The following USP11 variants were observed in gnomAD, a reference collection of about 807,000 sequenced individuals.
The protein encoded by USP11 is ubiquitin carboxyl-terminal hydrolase 11.
USP11 carries 5 observed loss-of-function variants against 72.8 expected under a neutral mutation model. The observed-to-expected ratio is 0.07, with a 90% CI of 0.04 to 0.14. USP11 has a LOEUF of 0.14. USP11 is among the 10% of genes least tolerant of loss of function. USP11 has a pLI of 1.00. For synonymous variants in USP11, 368 were observed against 326.5 expected (o/e 1.13, Z -1.37); for missense variants, 480 against 794.7 (o/e 0.60, Z 4.76).
In USP11 at chrX:47,245,490, G is replaced by T; in HGVS notation, c.2270+8G>T. 8.8e-7 allele frequency: 1 copy of T among 1,142,844 alleles called. No homozygotes were observed. The highest frequency in any genetic ancestry group is 1.2e-6 in the Non-Finnish European group (1 of 833,698). 94.2% of individuals were successfully genotyped at this position (1,142,844 alleles called of 1,213,427 possible). ...GGAGAAGGAAAACCCCTGGTGAGGG[G>T]CCAGAGCGGGGCCTGTGTGTGGGGG... On this transcript the variant is annotated splice_region_variant and intron_variant, in intron 17 of 20. Coordinates refer to ENST00000377107, the MANE Select transcript of USP11 (RefSeq NM_001371072.1).
Position 47,242,736 on chromosome X carries a change from A to AG in USP11, c.1583+19dup. 1 of 1,166,793 alleles carries AG rather than the reference A, an allele frequency of 8.6e-7. No homozygotes were observed. Among genetic ancestry groups the AG allele is most frequent in the East Asian group, 3.0e-5 (1 of 33,672 alleles). On this transcript the variant is annotated intron_variant, in intron 12 of 20. Transcript: ENST00000377107. ...ATATCTTCGTGTGAGTGGGGATGGC[A>AG]GGGAGGTGGTGGTTCCTCAGGAACT...
chrX:47,241,370 G>A lies in USP11; in HGVS notation c.940G>A (p.Glu314Lys). The A allele has an allele frequency of 8.3e-7, 1 of 1,211,632 alleles. No individual in the cohort carries two copies. The highest frequency in any genetic ancestry group is 1.1e-6 in the Non-Finnish European group (1 of 895,486). ...CCGCAACCCACTGGGCATGAAGGGT[G>A]AGATCGCAGAGGCCTATGCAGACCT... ...NFRNPLGMKG[E>K]IAEAYADLVK... Residue 314 changes from glutamate to lysine, a missense_variant, in exon 8 of 21, where the codon GAG (glutamate) becomes AAG (lysine). Transcript: ENST00000377107.
chrX:47,247,266 AG>A (rs1188954598), intron 18 of USP11, 37 bp from the exon 19 acceptor site: 15 of 1,208,856 alleles, frequency 1.2e-5, no homozygotes, highest in Non-Finnish European at 1.7e-5. Context: ...CAGGGAAAGG[AG>A]GGGGTGTACC....
At chrX:47,240,227 A>G (rs1372555437) in intron 4 of USP11, 78 bp from the exon 5 acceptor site, 1 of 1,154,206 alleles carries the variant, frequency 8.7e-7, no homozygotes, top group Non-Finnish European at 1.2e-6. Flanking sequence ...GTCCGTAGGG[A>G]TGAGTCAGGT....
intron 14 of USP11, 53 bp downstream of exon 14, chrX:47,244,603 G>A (rs1325608419): frequency 5.8e-6 from 7 of 1,203,878 alleles, no homozygotes; most frequent in East Asian, 3.0e-5. Flanking sequence ...TCTGACCCAC[G>A]TAGGGTTCGT....
chrX:47,241,352 C>G lies in USP11; in HGVS notation c.922C>G (p.Pro308Ala). The G allele has an allele frequency of 8.3e-7, 1 of 1,211,812 alleles. No individual in the cohort carries two copies. Among genetic ancestry groups the G allele is most frequent in the African/African-American group, 1.7e-5 (1 of 57,796 alleles). ...CYLEELNFRN[P>A]LGMKGEIAEA... The stretch of plus-strand genomic sequence containing the variant: ...CCTGGAGGAGCTCAACTTCCGCAAC[C>G]CACTGGGCATGAAGGGTGAGATCGC... The change falls in exon 8 of 21, where the codon CCA becomes GCA. Residue 308 changes from proline to alanine, a missense_variant. Transcript: ENST00000377107.
chrX:47,242,096 G>C lies in USP11; in HGVS notation c.1194G>C (p.Glu398Asp). ...ACTATCAACAGGAGGTGGCACAGGA[G>C]GCATGGCAAAACCACAAACGGCGGA... The part of the protein sequence containing the change: ...AGRPDQEVAQ[E>D]AWQNHKRRND... The change falls in exon 10 of 21, where the codon GAG becomes GAC. Residue 398 changes from glutamate to aspartate, a missense_variant. Glu to Asp is a conservative substitution (Grantham distance 45, BLOSUM62 2). This residue lies in a region of USP11 where 314 missense variants were observed against 556.0 expected (regional missense o/e 0.56). Transcript: ENST00000377107. 1 of 1,210,203 alleles carries C rather than the reference G, an allele frequency of 8.3e-7. No homozygotes were observed. The highest frequency in any genetic ancestry group is 1.1e-6 in the Non-Finnish European group (1 of 894,830).
At position 47,248,062 on chromosome X, in the gene USP11, G is replaced by C. The variant is rs1190242432; in HGVS notation, c.*132G>C. ...CATTGCAGGCTTAGTCGTGGCTACT[G>C]TTCTCCTGTGCCGCTGCATCGCTCT... On this transcript the variant is annotated 3_prime_UTR_variant, in exon 21 of 21. Coordinates refer to ENST00000377107, the MANE Select transcript of USP11 (RefSeq NM_001371072.1). 9 of 937,477 alleles carry C rather than the reference G, an allele frequency of 9.6e-6. No individual in the cohort carries two copies. Among genetic ancestry groups the C allele is most frequent in the Non-Finnish European group, 1.3e-5 (9 of 702,332 alleles). The allele number at this position is 937,477 out of a possible 1,213,427, so 77.3% of individuals were successfully genotyped here. A position where few individuals can be genotyped will look rare whatever the true frequency, so the allele number is the denominator to read the frequency against.
In USP11 at chrX:47,241,050, TTC is replaced by T. The variant is rs766350490; in HGVS notation, c.846+179_846+180del. The T allele has an allele frequency of 5.0e-5, 28 of 558,627 alleles. No homozygotes were observed. In the East Asian group the frequency reaches 9.4e-4, roughly 19 times the overall value. 46.0% of individuals were successfully genotyped at this position (558,627 alleles called of 1,213,427 possible). On this transcript the variant is annotated intron_variant, in intron 7 of 20. Transcript: ENST00000377107. ...CGTTCATTCCTGAACTATCAGCCTC[TTC>T]TCTCAGCTTGCCCTCATTTTCCCTC...
chrX:47,237,977 A>G (rs1411578027), intron 1 of USP11, among the ~76,000 whole-genome samples: 1 of 111,360 alleles, frequency 9.0e-6, no homozygotes, highest in Admixed American at 9.6e-5. Context: ...GTAGATTTCA[A>G]TATAGTTCTA....
intron 2 of USP11, 54 bp downstream of exon 2, chrX:47,239,233 G>A (rs767441697): frequency 4.8e-5 from 56 of 1,175,644 alleles, no homozygotes; most frequent in Middle Eastern, 2.3e-4. Flanking sequence ...TGTCCCTTCC[G>A]TCCCTACAGA....
chrX:47,238,983 A>C (rs893813714), intron 1 of USP11, 87 bp from the exon 2 acceptor site: 31 of 593,439 alleles, frequency 5.2e-5, no homozygotes, highest in Non-Finnish European at 8.1e-5. Context: ...ATAATGTGTC[A>C]ATACTTTCAG....
intron 4 of USP11, 24 bp downstream of exon 4, chrX:47,239,931 G>A (rs1189899478): frequency 1.7e-6 from 2 of 1,185,840 alleles, no homozygotes; most frequent in African/African-American, 1.7e-5. Flanking sequence ...TCACGCAATG[G>A]GTTGGTGTTC....
chrX:47,233,596 A>G, intron 1 of USP11: 1 of 787,770 alleles, frequency 1.3e-6, no homozygotes, highest in African/African-American at 2.2e-5. Flanking sequence ...TTTGGGGGCG[A>G]GGAGCGGTTT....
chrX:47,241,212 T>C, intron 7 of USP11, 65 bp from the exon 8 acceptor site: 1 of 1,110,747 alleles, frequency 9.0e-7, no homozygotes, highest in Non-Finnish European at 1.2e-6. Flanking sequence ...CTTCTTTTTG[T>C]GTATCCTCAC....
chrX:47,239,596 C>A (rs1161380150), intron 3 of USP11, 115 bp downstream of exon 3: 6 of 1,079,685 alleles, frequency 5.6e-6, no homozygotes, highest in Admixed American at 2.6e-5. Flanking sequence ...CTGCTCTCTT[C>A]CCCCTCCTAG....
At chrX:47,233,296 A>G (rs1602705012) in intron 1 of USP11, 77 bp downstream of exon 1, 12 of 664,112 alleles carry the variant, frequency 1.8e-5, no homozygotes, top group Non-Finnish European at 1.9e-5. Context: ...TCGGCGGCCG[A>G]GGGCCGCGGG....
chrX:47,245,588 A>G (rs1287303469), intron 17 of USP11, 106 bp downstream of exon 17: 8 of 493,116 alleles, frequency 1.6e-5, no homozygotes, highest in African/African-American at 2.7e-5. Context: ...CTGTCAACCC[A>G]GGCTGAAGTG....
chrX:47,245,193 G>A (rs903334733), intron 16 of USP11, 107 bp downstream of exon 16: 15 of 1,054,285 alleles, frequency 1.4e-5, no homozygotes, highest in Middle Eastern at 2.8e-4. Context: ...AGAGATCCAG[G>A]TCAAGCTTGG....
Sources: gnomAD v4.1 joint callset for allele counts (sites outside exome capture counted in the v4.1 genomes callset) on GRCh38, gnomAD v4.1.1 for gene constraint, gnomAD v4.1.1 regional missense constraint, MANE v1.5 for transcripts, NCBI Gene and HGNC (gene_info 2026-07-23, HGNC 2026-07-21) for gene names.